The following FHIT variants were observed in gnomAD, a reference collection of about 807,000 sequenced individuals.
FHIT encodes the protein fragile histidine triad diadenosine triphosphatase.
Under a neutral mutation model 17.9 loss-of-function variants are expected in FHIT, and 19 were observed. The ratio of observed to expected loss-of-function variants is 1.06; its 90% CI spans 0.74 to 1.56. The LOEUF (loss-of-function observed/expected upper bound fraction) is 1.56. Ranked by LOEUF, FHIT falls within the 40% of genes most tolerant of loss-of-function variation. FHIT has a pLI of 0.00. For missense variants in FHIT, 248 were observed against 189.2 expected, an observed-to-expected ratio of 1.31 and a Z score of -1.82; for synonymous variants, 81 against 69.7, an observed-to-expected ratio of 1.16 and a Z score of -0.81.
chr3:60,009,014 T>G (rs1700027631), intron 7 of FHIT, among the ~76,000 whole-genome samples: 1 of 152,200 alleles, frequency 6.6e-6, no homozygotes, highest in Non-Finnish European at 1.5e-5. Context: ...GAACTGAGAA[T>G]CAACTTTTTG....
intron 5 of FHIT, among the ~76,000 whole-genome samples, chr3:60,403,822 C>T (rs1701753027): frequency 6.6e-6 from 1 of 152,162 alleles, no homozygotes; most frequent in Non-Finnish European, 1.5e-5. Context: ...ATCTTTGGGT[C>T]ATCATTCTGA....
intron 4 of FHIT, among the ~76,000 whole-genome samples, chr3:60,630,398 C>T (rs2039407456): frequency 6.6e-6 from 1 of 152,176 alleles, no homozygotes; most frequent in Non-Finnish European, 1.5e-5. Context: ...TCGTTGATCA[C>T]AAAGGATACA....
intron 5 of FHIT, among the ~76,000 whole-genome samples, chr3:60,305,178 T>C (rs1708616653): frequency 6.6e-6 from 1 of 152,062 alleles, no homozygotes. Flanking sequence ...GACAGAAGCA[T>C]GAATATTCTA....
chr3:59,863,573 T>C (rs1256786539), intron 8 of FHIT, among the ~76,000 whole-genome samples: 1 of 152,194 alleles, frequency 6.6e-6, no homozygotes, highest in Non-Finnish European at 1.5e-5. Context: ...AGACCATGCA[T>C]GATTATTCAT....
intron 5 of FHIT, among the ~76,000 whole-genome samples, chr3:60,494,511 AATC>A (rs2034210500): frequency 6.6e-6 from 1 of 152,096 alleles, no homozygotes. Flanking sequence ...TGTACAATTA[AATC>A]ATTATTGACT....
intron 4 of FHIT, among the ~76,000 whole-genome samples, chr3:60,790,670 A>G (rs1559725132): frequency 6.6e-6 from 1 of 152,218 alleles, no homozygotes; most frequent in East Asian, 1.9e-4. Context: ...TAGGATGAAT[A>G]TATGGAGCAG....
At chr3:59,796,791 C>T (rs1699794308) in intron 8 of FHIT, among the ~76,000 whole-genome samples, 1 of 152,172 alleles carries the variant, frequency 6.6e-6, no homozygotes, top group Non-Finnish European at 1.5e-5. Context: ...TGCAGCAATC[C>T]CTTAATGATG....
intron 2 of FHIT, among the ~76,000 whole-genome samples, chr3:61,071,123 G>A (rs1326321044): frequency 2.0e-5 from 3 of 152,084 alleles, no homozygotes; most frequent in Non-Finnish European, 2.9e-5. Context: ...GAAGCATAAT[G>A]AACTCAGCAA....
At chr3:60,522,402 G>A (rs1034302752) in intron 5 of FHIT, among the ~76,000 whole-genome samples, 2 of 152,178 alleles carry the variant, frequency 1.3e-5, no homozygotes, top group Non-Finnish European at 2.9e-5. Context: ...GAGTCACTAT[G>A]CCCAGCCAGA....
In FHIT at chr3:60,011,380, C is replaced by T. The variant is rs755326397; in HGVS notation, c.270G>A (p.Gln90=). The part of the protein sequence containing the change: ...FSMQDGPEAG[Q]TVKHVHVHVL... Reference sequence around the variant, plus strand: ...CATAATAAGCACTCACCTTCACAGTCTGTCCGGCTTCGGGGCCATCCTAGA... The same window carrying T: ...CATAATAAGCACTCACCTTCACAGTTTGTCCGGCTTCGGGGCCATCCTAGA... The change falls in exon 7 of 10, where the codon CAG becomes CAA. Residue 90 remains glutamine (Q), a synonymous_variant. Transcript: ENST00000492590. The T allele has an allele frequency of 3.1e-6, 5 of 1,613,642 alleles. No individual in the cohort carries two copies. The African/African-American group carries it at 5.3e-5, about 17-fold the overall frequency.
intron 4 of FHIT, among the ~76,000 whole-genome samples, chr3:60,722,589 A>C (rs1203231020): frequency 6.6e-6 from 1 of 151,656 alleles, no homozygotes; most frequent in Admixed American, 6.6e-5. Flanking sequence ...CCTAGTCTCC[A>C]CCTTGTAGAT....
intron 2 of FHIT, among the ~76,000 whole-genome samples, chr3:61,177,003 G>A (rs1290677616): frequency 1.3e-5 from 2 of 152,058 alleles, no homozygotes; most frequent in African/African-American, 2.4e-5. Flanking sequence ...GTGAAACCCC[G>A]TCTCTACTAA....
chr3:60,645,626 T>C (rs1467617563), intron 4 of FHIT, among the ~76,000 whole-genome samples: 1 of 152,150 alleles, frequency 6.6e-6, no homozygotes, highest in Non-Finnish European at 1.5e-5. Context: ...TGACTTTCTA[T>C]ATGAGGCAGC....
chr3:60,193,114 G>A (rs1265245554), intron 5 of FHIT, among the ~76,000 whole-genome samples: 1 of 152,200 alleles, frequency 6.6e-6, no homozygotes, highest in Admixed American at 6.5e-5. Context: ...TCAACCATGA[G>A]AAGGATAATT....
At chr3:61,030,740 G>C (rs2032971070) in intron 3 of FHIT, among the ~76,000 whole-genome samples, 1 of 152,194 alleles carries the variant, frequency 6.6e-6, no homozygotes, top group Non-Finnish European at 1.5e-5. Context: ...TGGAAAGACA[G>C]GAATTTTAAA....
At chr3:60,117,633 A>G (rs1277607860) in intron 5 of FHIT, among the ~76,000 whole-genome samples, 1 of 152,080 alleles carries the variant, frequency 6.6e-6, no homozygotes, top group Non-Finnish European at 1.5e-5. Flanking sequence ...TTTTTTTATT[A>G]AACTTGTAAC....
At chr3:60,883,801 G>C (rs1406301437) in intron 3 of FHIT, among the ~76,000 whole-genome samples, 2 of 152,010 alleles carry the variant, frequency 1.3e-5, no homozygotes, top group Non-Finnish European at 2.9e-5. Flanking sequence ...CATTGGTCTG[G>C]GCAAAGATTT....
At chr3:60,531,203 T>A (rs906473422) in intron 5 of FHIT, among the ~76,000 whole-genome samples, 4 of 151,952 alleles carry the variant, frequency 2.6e-5, no homozygotes, top group African/African-American at 9.7e-5. Context: ...CAAAAACCTA[T>A]CTTTAGCTAT....
At chr3:60,089,619 C>T (rs906646255) in intron 5 of FHIT, among the ~76,000 whole-genome samples, 1 of 152,138 alleles carries the variant, frequency 6.6e-6, no homozygotes, top group East Asian at 1.9e-4. Flanking sequence ...GAAAGGCTTA[C>T]CCACTGTCTT....
Sources: gnomAD v4.1 joint callset for allele counts (sites outside exome capture counted in the v4.1 genomes callset) on GRCh38, gnomAD v4.1.1 for gene constraint, MANE v1.5 for transcripts, NCBI Gene and HGNC (gene_info 2026-07-23, HGNC 2026-07-21) for gene names.